Variants in ABL2 observed in about 807,000 individuals in gnomAD.
The protein encoded by ABL2 is ABL proto-oncogene 2, non-receptor tyrosine kinase, also known as tyrosine-protein kinase ABL2.
Under a neutral mutation model 107.7 loss-of-function variants are expected in ABL2, and 49 were observed. That is an observed-to-expected ratio of 0.45 (90% CI 0.36 to 0.58). The LOEUF (loss-of-function observed/expected upper bound fraction) is 0.58, where lower values mean the gene tolerates loss of function less well. Among genes scored for constraint, ABL2 ranks in the 20% least tolerant of loss-of-function variants. The pLI is 0.00. For synonymous variants in ABL2, 549 were observed against 548.6 expected (o/e 1.00, Z -0.01); for missense variants, 1,245 against 1,457.0 (o/e 0.85, Z 2.37).
chr1:179,215,025 T>C lies in ABL2; in HGVS notation c.157+14216A>G, dbSNP rs535964927. Among the ~76,000 whole-genome samples the C allele has an allele frequency of 2.0e-4, 31 of 152,114 alleles. No individual in the cohort carries two copies. In the South Asian group the frequency reaches 3.1e-3, roughly 15 times the overall value. On this transcript the variant is annotated intron_variant, in intron 1 of 11. Coordinates refer to ENST00000502732, the MANE Select transcript of ABL2 (RefSeq NM_007314.4). ...AAATACGAAAATTAGCCGGGTGTGGTGGCGGGCGCCTGTAGTCCCAGCTAC... is the reference window on the plus strand; with the variant it reads ...AAATACGAAAATTAGCCGGGTGTGGCGGCGGGCGCCTGTAGTCCCAGCTAC...
chr1:179,116,304 A>G (rs1654613526), intron 8 of ABL2, among the ~76,000 whole-genome samples: 1 of 151,932 alleles, frequency 6.6e-6, no homozygotes, highest in Non-Finnish European at 1.5e-5. Context: ...AACCCGGGAG[A>G]TGGGAGGTTG....
intron 1 of ABL2, among the ~76,000 whole-genome samples, chr1:179,223,348 G>A (rs1413820312): frequency 6.6e-6 from 1 of 151,614 alleles, no homozygotes; most frequent in Non-Finnish European, 1.5e-5. Context: ...AGGAGTTTGA[G>A]GCTGCAGTGA....
At chr1:179,118,879 C>T in intron 6 of ABL2, 115 bp from the exon 7 acceptor site, 1 of 1,101,574 alleles carries the variant, frequency 9.1e-7, no homozygotes, top group Admixed American at 2.3e-5. Context: ...TAATCTTTTC[C>T]CTTCTTACCA....
At chr1:179,170,241 T>C (rs1305780229) in intron 1 of ABL2, among the ~76,000 whole-genome samples, 1 of 152,070 alleles carries the variant, frequency 6.6e-6, no homozygotes, top group Non-Finnish European at 1.5e-5. Flanking sequence ...ATGAGATTAA[T>C]CCATTCATGA....
At chr1:179,201,765 GA>G in intron 1 of ABL2, 2 of 855,060 alleles carry the variant, frequency 2.3e-6, no homozygotes, top group Non-Finnish European at 1.9e-6. Context: ...CACCAATAGG[GA>G]AAATTATATC....
chr1:179,157,494 C>CAA (rs776274519), intron 1 of ABL2, among the ~76,000 whole-genome samples: 2 of 130,006 alleles, frequency 1.5e-5, no homozygotes, highest in Non-Finnish European at 3.3e-5. Context: ...GAGACTGTCT[C>CAA]AAAAAAAAAA....
intron 1 of ABL2, among the ~76,000 whole-genome samples, chr1:179,210,897 C>G (rs1662237077): frequency 6.6e-6 from 1 of 151,672 alleles, no homozygotes; most frequent in South Asian, 2.1e-4. Flanking sequence ...ATTTCATATA[C>G]TGCCAGGAAG....
intron 1 of ABL2, among the ~76,000 whole-genome samples, chr1:179,204,770 C>CA (rs1178453572): frequency 1.3e-5 from 2 of 151,762 alleles, no homozygotes; most frequent in Non-Finnish European, 2.9e-5. Context: ...AACACACACA[C>CA]AAAAAAACTA....
chr1:179,103,864 A>G lies in ABL2; in HGVS notation c.*3854T>C, dbSNP rs1321140887. The G allele has an allele frequency of 4.3e-6, 1 of 231,220 alleles. No homozygotes were observed. The highest frequency in any genetic ancestry group is 8.6e-6 in the Non-Finnish European group (1 of 116,590). The allele number at this position is 231,220 out of a possible 1,614,324, so 14.3% of individuals were successfully genotyped here. On this transcript the variant is annotated 3_prime_UTR_variant, in exon 12 of 12. Transcript: ENST00000502732. ...ATTAACCGTTCTGAGACAATAGGCA[A>G]GTAATTTAACCATCTTCTGCTAGTT...
intron 1 of ABL2, 43 bp downstream of exon 1, chr1:179,229,198 C>G: frequency 7.4e-7 from 1 of 1,360,006 alleles, no homozygotes; most frequent in South Asian, 1.5e-5. Flanking sequence ...ACCCCACCCC[C>G]GGCCTCCCCC....
chr1:179,134,750 C>CCT (rs1656691635), intron 1 of ABL2, among the ~76,000 whole-genome samples: 1 of 151,972 alleles, frequency 6.6e-6, no homozygotes, highest in Non-Finnish European at 1.5e-5. Context: ...TCGCCCTCTC[C>CCT]CTCTTTCCAC....
At chr1:179,173,201 A>AC (rs1659829995) in intron 1 of ABL2, among the ~76,000 whole-genome samples, 2 of 151,476 alleles carry the variant, frequency 1.3e-5, no homozygotes, top group Non-Finnish European at 2.9e-5. Flanking sequence ...AAAAAAAAAA[A>AC]AACAACAACA....
At chr1:179,170,519 C>T (rs1031800533) in intron 1 of ABL2, among the ~76,000 whole-genome samples, 12 of 152,142 alleles carry the variant, frequency 7.9e-5, no homozygotes, top group Admixed American at 7.2e-4. Context: ...CGTGTTAAAG[C>T]GATTCCCCTG....
chr1:179,131,763 T>C (rs1656353881), intron 2 of ABL2, among the ~76,000 whole-genome samples: 2 of 152,318 alleles, frequency 1.3e-5, no homozygotes, highest in East Asian at 1.9e-4. Context: ...CATAAACTAA[T>C]AGGAAACGCA....
intron 1 of ABL2, chr1:179,143,069 T>G: frequency 6.2e-7 from 1 of 1,612,462 alleles, no homozygotes; most frequent in Non-Finnish European, 8.5e-7. Flanking sequence ...GCACAAAAGT[T>G]AAACTGTTCT....
chr1:179,153,673 TC>T (rs1256664139), intron 1 of ABL2, among the ~76,000 whole-genome samples: 1 of 151,790 alleles, frequency 6.6e-6, no homozygotes, highest in Non-Finnish European at 1.5e-5. Context: ...GACCAAAAAT[TC>T]CCCCCACCTG....
rs763746365 is a variant in ABL2, at chr1:179,121,689, GTAA to G, written c.863_865del (p.Ile288del). On this transcript the variant is annotated inframe_deletion, in exon 5 of 12. Transcript: ENST00000502732. ...ACCGCCCCCAAGTTTGTGCTTCATG[GTAA>G]TATCTGTTCGCTCCATTTCCCATTT... 6.2e-7 allele frequency: 1 copy of G among 1,614,094 alleles called. No homozygotes were observed. The highest frequency in any genetic ancestry group is 8.5e-7 in the Non-Finnish European group (1 of 1,180,014).
intron 1 of ABL2, among the ~76,000 whole-genome samples, chr1:179,162,458 G>A (rs112858583): frequency 0.026 from 3,903 of 152,168 alleles, 129 homozygotes; most frequent in Admixed American, 0.065. Flanking sequence ...GGTGGTACAC[G>A]TCTGTAACCG....
chr1:179,131,724 G>A (rs955899107), intron 2 of ABL2, among the ~76,000 whole-genome samples: 4 of 152,148 alleles, frequency 2.6e-5, no homozygotes, highest in African/African-American at 2.4e-5. Context: ...GAGTTTAGCC[G>A]TGATTTATAT....
Sources: gnomAD v4.1 joint callset for allele counts (sites outside exome capture counted in the v4.1 genomes callset) on GRCh38, gnomAD v4.1.1 for gene constraint, MANE v1.5 for transcripts, NCBI Gene and HGNC (gene_info 2026-07-23, HGNC 2026-07-21) for gene names.